Variants in CSMD1 observed in about 807,000 individuals in gnomAD.
The protein encoded by CSMD1 is CUB and sushi domain-containing protein 1.
Under a neutral mutation model 417.5 loss-of-function variants are expected in CSMD1, and 213 were observed. The observed-to-expected ratio is 0.51, with a 90% CI of 0.46 to 0.57. The LOEUF (loss-of-function observed/expected upper bound fraction) is 0.57, where lower values mean the gene tolerates loss of function less well. CSMD1 is among the 20% of genes least tolerant of loss of function. The pLI is 0.00. For missense variants in CSMD1, 6,923 were observed against 4,529.7 expected (o/e 1.53, Z -15.17); for synonymous variants, 2,862 against 1,736.8 (o/e 1.65, Z -16.11).
chr8:3,753,227 T>C (rs1797452677), intron 6 of CSMD1, among the ~76,000 whole-genome samples: 1 of 152,236 alleles, frequency 6.6e-6, no homozygotes. Flanking sequence ...CAAAGTCATG[T>C]TATTTTAATT....
At chr8:4,933,996 T>C (rs1478859820) in intron 1 of CSMD1, among the ~76,000 whole-genome samples, 1 of 149,434 alleles carries the variant, frequency 6.7e-6, no homozygotes, top group East Asian at 1.9e-4. Context: ...CTTACGTTTA[T>C]GCTTTTTTTT....
intron 2 of CSMD1, among the ~76,000 whole-genome samples, chr8:4,438,074 C>G (rs1014987035): frequency 2.0e-5 from 3 of 152,188 alleles, no homozygotes; most frequent in Non-Finnish European, 4.4e-5. Context: ...TATTCACACT[C>G]AGCTTCTTTG....
At chr8:4,154,610 C>G (rs1327894636) in intron 3 of CSMD1, among the ~76,000 whole-genome samples, 1 of 152,138 alleles carries the variant, frequency 6.6e-6, no homozygotes, top group African/African-American at 2.4e-5. Context: ...ATGCATGAGC[C>G]TACAAAAGGC....
At chr8:4,484,270 C>T (rs1725112) in intron 2 of CSMD1, among the ~76,000 whole-genome samples, 1 of 151,630 alleles carries the variant, frequency 6.6e-6, no homozygotes, top group South Asian at 2.1e-4. Context: ...CTTCTAGGAA[C>T]AAGGTTTCAT....
At chr8:4,759,172 A>T (rs374008718) in intron 1 of CSMD1, among the ~76,000 whole-genome samples, 36 of 152,178 alleles carry the variant, frequency 2.4e-4, no homozygotes, top group African/African-American at 8.7e-4. Flanking sequence ...GCCTGCAGCT[A>T]TAATTCTTGT....
chr8:3,669,472 A>G (rs1344295409), intron 7 of CSMD1, among the ~76,000 whole-genome samples: 1 of 152,154 alleles, frequency 6.6e-6, no homozygotes, highest in African/African-American at 2.4e-5. Context: ...ATTCAACATC[A>G]GTAATTAGAT....
chr8:3,409,915 C>G (rs529199129), intron 12 of CSMD1, among the ~76,000 whole-genome samples: 149 of 152,330 alleles, frequency 9.8e-4, no homozygotes, highest in Middle Eastern at 3.4e-3. Flanking sequence ...GATCTTTTAT[C>G]TGCAATTGCT....
intron 69 of CSMD1, among the ~76,000 whole-genome samples, chr8:2,941,550 A>C (rs1801874352): frequency 6.6e-6 from 1 of 152,182 alleles, no homozygotes; most frequent in Admixed American, 6.5e-5. Context: ...TATGGAAAAA[A>C]TGTACAAGGA....
At chr8:3,938,767 G>C (rs747627948) in intron 5 of CSMD1, among the ~76,000 whole-genome samples, 1 of 152,108 alleles carries the variant, frequency 6.6e-6, no homozygotes, top group Non-Finnish European at 1.5e-5. Context: ...TGCCTTTGTT[G>C]TTAATGTGAC....
chr8:3,879,081 G>A (rs1393244673), intron 5 of CSMD1, among the ~76,000 whole-genome samples: 3 of 152,064 alleles, frequency 2.0e-5, no homozygotes, highest in Non-Finnish European at 4.4e-5. Context: ...AGTTATTCTG[G>A]GGTACCCAAG....
intron 6 of CSMD1, among the ~76,000 whole-genome samples, chr8:3,727,449 G>GCTTTTCC (rs1802558951): frequency 6.6e-6 from 1 of 152,148 alleles, no homozygotes; most frequent in Admixed American, 6.5e-5. Flanking sequence ...TAACATGAGG[G>GCTTTTCC]TGACCAATGT....
At chr8:4,535,446 T>G (rs1241050891) in intron 2 of CSMD1, among the ~76,000 whole-genome samples, 1 of 152,166 alleles carries the variant, frequency 6.6e-6, no homozygotes, top group Non-Finnish European at 1.5e-5. Flanking sequence ...AGATTTGCTT[T>G]GCAATCATTA....
At chr8:3,208,898 C>A (rs1485267351) in intron 30 of CSMD1, among the ~76,000 whole-genome samples, 3 of 152,146 alleles carry the variant, frequency 2.0e-5, no homozygotes, top group African/African-American at 7.2e-5. Flanking sequence ...TGTTCCTCAG[C>A]CTGCAGACAG....
At chr8:4,653,298 A>G (rs1034561983) in intron 1 of CSMD1, among the ~76,000 whole-genome samples, 1 of 152,148 alleles carries the variant, frequency 6.6e-6, no homozygotes, top group Non-Finnish European at 1.5e-5. Context: ...AATTAAGGTG[A>G]CGATCACTAG....
intron 3 of CSMD1, among the ~76,000 whole-genome samples, chr8:4,115,445 G>C (rs1217469029): frequency 6.6e-6 from 1 of 152,152 alleles, no homozygotes; most frequent in African/African-American, 2.4e-5. Flanking sequence ...CTGAATCTCT[G>C]AGGTATGCCT....
chr8:3,910,207 T>C (rs951836279), intron 5 of CSMD1, among the ~76,000 whole-genome samples: 12 of 152,058 alleles, frequency 7.9e-5, no homozygotes, highest in Non-Finnish European at 1.3e-4. Context: ...CGGAAAACAA[T>C]GTTCATGCAG....
chr8:3,239,250 G>A (rs1219656881), intron 26 of CSMD1, among the ~76,000 whole-genome samples: 1 of 152,140 alleles, frequency 6.6e-6, no homozygotes, highest in African/African-American at 2.4e-5. Context: ...CCAAGAGCCT[G>A]AAAAAATGCT....
Position 3,930,774 on chromosome 8 carries a change from C to G in CSMD1, c.818+67129G>C, listed in dbSNP as rs1810085641. Among the ~76,000 whole-genome samples, 3 of 150,444 alleles carry G rather than the reference C, an allele frequency of 2.0e-5. 1 individual carries two copies. The highest frequency in any genetic ancestry group is 1.3e-4 in the Admixed American group (2 of 15,140). ...GCTACTTCTTTACGGCACCAGGGAA[C>G]AAGCATTTCTAACATGTACAAGGGT... On this transcript the variant is annotated intron_variant, in intron 5 of 69. Transcript: ENST00000635120.
intron 47 of CSMD1, among the ~76,000 whole-genome samples, chr8:3,096,390 T>G (rs1369417016): frequency 6.6e-6 from 1 of 152,156 alleles, no homozygotes; most frequent in Non-Finnish European, 1.5e-5. Context: ...TGATAGTAAG[T>G]CCCACAAGAT....
Sources: gnomAD v4.1 joint callset for allele counts (sites outside exome capture counted in the v4.1 genomes callset) on GRCh38, gnomAD v4.1.1 for gene constraint, MANE v1.5 for transcripts, NCBI Gene and HGNC (gene_info 2026-07-23, HGNC 2026-07-21) for gene names.